The following AHNAK variants were observed in gnomAD, a reference collection of about 807,000 sequenced individuals.
AHNAK encodes the protein neuroblast differentiation-associated protein AHNAK.
In AHNAK, 23 loss-of-function variants were observed where a neutral mutation model predicts 37.8. That is an observed-to-expected ratio of 0.61 (90% confidence interval 0.44 to 0.86). AHNAK has a LOEUF of 0.86. Ranked by LOEUF, AHNAK falls within the 40% of genes least tolerant of loss-of-function variation. The pLI is 0.00. For missense variants in AHNAK, 7,411 were observed against 7,319.4 expected, an observed-to-expected ratio of 1.01 and a Z score of -0.46; for synonymous variants, 2,481 against 2,636.3, an observed-to-expected ratio of 0.94 and a Z score of 1.80.
Position 62,516,811 on chromosome 11 carries a change from T to C in AHNAK, c.17606A>G (p.Asp5869Gly). The stretch of plus-strand genomic sequence containing the variant: ...CTGGATGCCAACCTTATTCCCACTG[T>C]CATTGCTAGAAGAGGAGGACAGTCG... ...KSRLSSSSSN[D>G]SGNKVGIQLP... is the part of the protein sequence containing the mutation. Residue 5869 changes from aspartate (D) to glycine (G), a missense_variant, in exon 5 of 5, where the codon GAC becomes GGC. Asp to Gly is a moderately conservative substitution (Grantham distance 94). Coordinates refer to ENST00000378024, the MANE Select transcript of AHNAK (RefSeq NM_001620.3). 6.2e-7 allele frequency: 1 copy of C among 1,614,144 alleles called. No individual in the cohort carries two copies. The highest frequency in any genetic ancestry group is 1.3e-5 in the African/African-American group (1 of 75,040).
At chr11:62,438,181 C>CTCTT (rs1555017535) in intron 5 of AHNAK, among the ~76,000 whole-genome samples, 3 of 126,300 alleles carry the variant, frequency 2.4e-5, no homozygotes, top group African/African-American at 8.7e-5. Context: ...TTCTTTCTCT[C>CTCTT]TTTTTTTTTT....
In AHNAK at chr11:62,527,952, C is replaced by T; in HGVS notation, c.6465G>A (p.Val2155=). Residue 2155 remains valine (V), a synonymous_variant, in exon 5 of 5, where the codon GTG becomes GTA. Coordinates refer to ENST00000378024, the MANE Select transcript of AHNAK (RefSeq NM_001620.3). ...CAGGACACTCCAGCTCAACATCAGG[C>T]ACCTCCACATCCACACTGGGGCCTG... ...DLTGPSVDVE[V]PDVELECPDA... The T allele has an allele frequency of 1.9e-6, 3 of 1,613,020 alleles. No homozygotes were observed. Among genetic ancestry groups the T allele is most frequent in the South Asian group, 1.1e-5 (1 of 91,024 alleles).
At chr11:62,440,777 G>A (rs1033107744) in intron 5 of AHNAK, among the ~76,000 whole-genome samples, 1 of 152,150 alleles carries the variant, frequency 6.6e-6, no homozygotes, top group Non-Finnish European at 1.5e-5. Context: ...CAGGACAGTT[G>A]AGGGCCCTCA....
At chr11:62,450,353 GTTTA>G (rs975185713) in intron 5 of AHNAK, among the ~76,000 whole-genome samples, 1 of 151,422 alleles carries the variant, frequency 6.6e-6, no homozygotes, top group African/African-American at 2.4e-5. Context: ...TGTTGTTGTT[GTTTA>G]TTTATTTGTA....
At chr11:62,508,462 A>C (rs1939848304) in intron 4 of AHNAK, among the ~76,000 whole-genome samples, 1 of 152,144 alleles carries the variant, frequency 6.6e-6, no homozygotes, top group African/African-American at 2.4e-5. Context: ...GAGATAAAGC[A>C]CTCTGTGGAC....
intron 4 of AHNAK, among the ~76,000 whole-genome samples, chr11:62,510,264 G>A (rs1406305270): frequency 6.6e-6 from 1 of 151,494 alleles, no homozygotes; most frequent in Non-Finnish European, 1.5e-5. Flanking sequence ...AGGCTGGTCT[G>A]GAACTTCCTG....
chr11:62,464,135 C>G (rs1432112438), intron 5 of AHNAK, among the ~76,000 whole-genome samples: 1 of 151,668 alleles, frequency 6.6e-6, no homozygotes, highest in Non-Finnish European at 1.5e-5. Context: ...CCAAGTGATC[C>G]TCTCTCCTCA....
At chr11:62,513,434 C>T (rs1398287246), downstream of AHNAK, among the ~76,000 whole-genome samples, 2 of 152,136 alleles carry the variant, frequency 1.3e-5, no homozygotes, top group Admixed American at 1.3e-4. Context: ...ACTCAGGAGG[C>T]TGAGGCAGAA....
intron 5 of AHNAK, among the ~76,000 whole-genome samples, chr11:62,449,159 T>G (rs941999396): frequency 3.9e-5 from 6 of 152,114 alleles, no homozygotes; most frequent in African/African-American, 1.4e-4. Context: ...TAGCGTTTAT[T>G]TTTCACTTCT....
rs774860050 is a variant in AHNAK, at chr11:62,526,776, G to A, written c.7641C>T (p.Asp2547=). 1.9e-6 allele frequency: 3 copies of A among 1,613,616 alleles called. No homozygotes were observed. Among genetic ancestry groups the A allele is most frequent in the South Asian group, 1.1e-5 (1 of 91,068 alleles). ...CAATATTAACATCAGGGCCTTCAAT[G>A]TCCACCTTGGGTCCTGAGATGTCAA... ...ADVDISGPKV[D]IEGPDVNIEG... The change falls in exon 5 of 5, where the codon GAC becomes GAT. Residue 2547 remains aspartate (D), a synonymous_variant. Coordinates refer to ENST00000378024, the MANE Select transcript of AHNAK (RefSeq NM_001620.3).
intron 1 of AHNAK, among the ~76,000 whole-genome samples, chr11:62,545,213 G>A (rs1941268623): frequency 6.6e-6 from 1 of 152,174 alleles, no homozygotes; most frequent in Non-Finnish European, 1.5e-5. Context: ...GCCGCGGCGG[G>A]AGCCACACCC....
downstream of AHNAK, among the ~76,000 whole-genome samples, chr11:62,512,975 C>T (rs1470403024): frequency 6.6e-6 from 1 of 152,080 alleles, no homozygotes; most frequent in Non-Finnish European, 1.5e-5. The surrounding 1 kb of genome is among the most constrained non-coding windows in gnomAD (Gnocchi z 4.0). Flanking sequence ...GTTCACTATT[C>T]CCTGCCATTT....
chr11:62,505,919 G>A lies in AHNAK; in HGVS notation c.343-14088C>T, dbSNP rs7125056. 3.3e-3 allele frequency among the ~76,000 whole-genome samples: 497 copies of A among 151,218 alleles called. 3 individuals are homozygous for A. The highest frequency in any genetic ancestry group is 0.012 in the African/African-American group (479 of 41,198). On this transcript the variant is annotated intron_variant, in intron 4 of 5. Coordinates refer to the AHNAK transcript ENST00000257247. ...GCAAGCGGTCCGGGCCGGGTGCGGTGGCTCATGTCTGTAATCCCGGCACTT... is the reference window on the plus strand; with the variant it reads ...GCAAGCGGTCCGGGCCGGGTGCGGTAGCTCATGTCTGTAATCCCGGCACTT...
Position 62,533,772 on chromosome 11 carries a change from G to A in AHNAK, c.645C>T (p.Ala215=), listed in dbSNP as rs1433916464. Residue 215 remains alanine (A), a synonymous_variant, in exon 5 of 5, where the codon GCC becomes GCT. Transcript: ENST00000378024. ...VIRLPSGSGA[A]SPTGSAVDIR... ...TATCCACAGCAGAGCCTGTCGGAGA[G>A]GCTGCCCCCGAGCCCGAGGGCAGTC... 2 of 1,614,186 alleles carry A rather than the reference G, an allele frequency of 1.2e-6. No homozygotes were observed. The highest frequency in any genetic ancestry group is 2.2e-5 in the East Asian group (1 of 44,880).
At position 62,523,863 on chromosome 11, in the gene AHNAK, A is replaced by T; in HGVS notation, c.10554T>A (p.Asn3518Lys). ...PSMNIEGPDL[N>K]VEGPEGGLKG... ...TCAAGCCTCCCTCCGGACCTTCCACATTGAGATCTGGGCCCTCAATGTTCA... is the reference window on the plus strand; with the variant it reads ...TCAAGCCTCCCTCCGGACCTTCCACTTTGAGATCTGGGCCCTCAATGTTCA... Residue 3518 changes from asparagine (N) to lysine (K), a missense_variant, in exon 5 of 5, where the codon AAT becomes AAA. Coordinates refer to ENST00000378024, the MANE Select transcript of AHNAK (RefSeq NM_001620.3). The T allele has an allele frequency of 6.2e-7, 1 of 1,614,034 alleles. No homozygotes were observed. The highest frequency in any genetic ancestry group is 8.5e-7 in the Non-Finnish European group (1 of 1,180,002).
At chr11:62,434,341 C>G (rs907602015) in intron 5 of AHNAK, among the ~76,000 whole-genome samples, 2 of 152,118 alleles carry the variant, frequency 1.3e-5, no homozygotes, top group African/African-American at 4.8e-5. Context: ...CTTCATGAAC[C>G]CTTTCTGCTT....
At chr11:62,486,020 C>CA (rs139783265) in intron 5 of AHNAK, among the ~76,000 whole-genome samples, 3,669 of 68,150 alleles carry the variant, frequency 0.054, 92 homozygotes, top group Middle Eastern at 0.083. Context: ...GACTTTGTCT[C>CA]AAAAAAAAAA....
intron 4 of AHNAK, among the ~76,000 whole-genome samples, chr11:62,497,679 G>A (rs1443566817): frequency 6.6e-6 from 1 of 152,178 alleles, no homozygotes; most frequent in Non-Finnish European, 1.5e-5. Flanking sequence ...ACTGGTAATA[G>A]GCCAGGCGCG....
chr11:62,524,842 T>A lies in AHNAK; in HGVS notation c.9575A>T (p.Asp3192Val). 1 of 1,614,182 alleles carries A rather than the reference T, an allele frequency of 6.2e-7. No individual in the cohort carries two copies. The highest frequency in any genetic ancestry group is 8.5e-7 in the Non-Finnish European group (1 of 1,180,040). Residue 3192 changes from aspartate (D) to valine (V), a missense_variant, in exon 5 of 5, where the codon GAT becomes GTT. Coordinates refer to ENST00000378024, the MANE Select transcript of AHNAK (RefSeq NM_001620.3). Reference protein sequence around the residue: ...SGPKVDVDVPDVNIEGPDAKL... With the variant: ...SGPKVDVDVPVVNIEGPDAKL... ...CGCATCTGGACCTTCAATATTCACATCTGGAACATCAACGTCCACCTTGGG... is the reference window on the plus strand; with the variant it reads ...CGCATCTGGACCTTCAATATTCACAACTGGAACATCAACGTCCACCTTGGG...
Sources: gnomAD v4.1 joint callset for allele counts (sites outside exome capture counted in the v4.1 genomes callset) on GRCh38, gnomAD v4.1.1 for gene constraint, Gnocchi (gnomAD v3.1) non-coding constraint, MANE v1.5 for transcripts, NCBI Gene and HGNC (gene_info 2026-07-23, HGNC 2026-07-21) for gene names.